Variants in PLA2R1 observed in about 807,000 individuals in gnomAD.
The protein encoded by PLA2R1 is secretory phospholipase A2 receptor.
In PLA2R1, 158 loss-of-function variants were observed where a neutral mutation model predicts 195.9. That is an observed-to-expected ratio of 0.81 (90% CI 0.71 to 0.92). The LOEUF is 0.92. PLA2R1 is among the 40% of genes least tolerant of loss of function. The pLI, the probability that PLA2R1 is intolerant of heterozygous loss-of-function variation, is 0.00. For missense variants in PLA2R1, 1,626 were observed against 1,764.6 expected, an observed-to-expected ratio of 0.92 and a Z score of 1.41; for synonymous variants, 586 against 598.2, an observed-to-expected ratio of 0.98 and a Z score of 0.30.
chr2:160,007,316 G>A (rs1692057951), intron 10 of PLA2R1, among the ~76,000 whole-genome samples: 1 of 152,178 alleles, frequency 6.6e-6, no homozygotes, highest in Non-Finnish European at 1.5e-5. Flanking sequence ...GAGAAGGGCG[G>A]GGTCCCTGGT....
At chr2:159,968,333 T>C (rs2105230853) in intron 19 of PLA2R1, among the ~76,000 whole-genome samples, 1 of 152,108 alleles carries the variant, frequency 6.6e-6, no homozygotes, top group East Asian at 1.9e-4. Flanking sequence ...CAGGGCAGAA[T>C]GCATGCCAAT....
chr2:159,987,293 A>T lies in PLA2R1; in HGVS notation c.1900T>A (p.Cys634Ser). The T allele has an allele frequency of 6.2e-7, 1 of 1,612,872 alleles. No homozygotes were observed. The highest frequency in any genetic ancestry group is 8.5e-7 in the Non-Finnish European group (1 of 1,179,908). ...HPLGRWEVKH[C>S]RHFKAMSLCK... ...AAGGACATTGCCTTAAAGTGCCGACAGTGCTTCACTTCCCAGCGACCAAGT... is the reference window on the plus strand; with the variant it reads ...AAGGACATTGCCTTAAAGTGCCGACTGTGCTTCACTTCCCAGCGACCAAGT... The change falls in exon 12 of 30, where the codon TGT (cysteine) becomes AGT (serine). Residue 634 changes from cysteine to serine, a missense_variant. Coordinates refer to ENST00000283243, the MANE Select transcript of PLA2R1 (RefSeq NM_007366.5).
chr2:160,019,390 C>T (rs1285901051), intron 8 of PLA2R1, among the ~76,000 whole-genome samples: 2 of 152,122 alleles, frequency 1.3e-5, no homozygotes, highest in African/African-American at 2.4e-5. Context: ...AGCCAAAAGC[C>T]GACCTCTCTC....
At chr2:159,961,627 C>T (rs1487038445) in intron 20 of PLA2R1, among the ~76,000 whole-genome samples, 2 of 152,272 alleles carry the variant, frequency 1.3e-5, no homozygotes, top group East Asian at 3.9e-4. Flanking sequence ...GCCTCCCCTC[C>T]CCGCCATTCT....
intron 11 of PLA2R1, among the ~76,000 whole-genome samples, chr2:160,004,069 T>G (rs1344190458): frequency 1.3e-5 from 2 of 152,200 alleles, no homozygotes; most frequent in Non-Finnish European, 2.9e-5. Context: ...TACCAAACAG[T>G]TAACAGTGGT....
In PLA2R1 at chr2:159,934,996, T is replaced by G. The variant is rs955118887; in HGVS notation, c.*6782A>C. The G allele has an allele frequency of 3.9e-5, 6 of 152,220 alleles. No individual in the cohort carries two copies. Among genetic ancestry groups the G allele is most frequent in the Non-Finnish European group, 8.8e-5 (6 of 68,030 alleles). The allele number at this position is 152,220 out of a possible 1,614,324, so 9.4% of individuals were successfully genotyped here. A position where few individuals can be genotyped will look rare whatever the true frequency, so the allele number is the denominator to read the frequency against. On this transcript the variant is annotated 3_prime_UTR_variant, in exon 30 of 30. Transcript: ENST00000283243. Reference sequence around the variant, plus strand: ...TTCCTCAATCTTTCCTTATCTTTCATGACCAGGACACTTTTGAAGTGATCA... The same window carrying G: ...TTCCTCAATCTTTCCTTATCTTTCAGGACCAGGACACTTTTGAAGTGATCA...
intron 27 of PLA2R1, 172 bp downstream of exon 27, chr2:159,946,629 G>A: frequency 7.4e-7 from 1 of 1,342,546 alleles, no homozygotes; most frequent in African/African-American, 1.5e-5. Flanking sequence ...AAAGACAAAA[G>A]GGTAAAGAAA....
chr2:160,033,423 C>T (rs1328493215), intron 3 of PLA2R1, among the ~76,000 whole-genome samples: 4 of 152,016 alleles, frequency 2.6e-5, no homozygotes, highest in African/African-American at 4.8e-5. Context: ...GAAGTAGAAG[C>T]GAAGTATTTG....
At chr2:160,041,605 G>T (rs915641067) in intron 3 of PLA2R1, among the ~76,000 whole-genome samples, 1 of 150,198 alleles carries the variant, frequency 6.7e-6, no homozygotes, top group Non-Finnish European at 1.5e-5. Flanking sequence ...CTTGACAATG[G>T]GCGAGACAAG....
intron 7 of PLA2R1, among the ~76,000 whole-genome samples, chr2:160,022,392 A>G (rs3792186): frequency 0.71 from 107,352 of 151,744 alleles, 38,713 homozygotes; most frequent in East Asian, 0.87. Context: ...TAGGTTTTTC[A>G]TTAGAAGTTT....
intron 11 of PLA2R1, among the ~76,000 whole-genome samples, chr2:159,998,769 T>A (rs962745082): frequency 1.2e-4 from 18 of 152,274 alleles, no homozygotes; most frequent in Admixed American, 9.8e-4. Context: ...TTTACTTCTT[T>A]AACCACTAAA....
chr2:159,968,658 G>T (rs892302636), intron 19 of PLA2R1, among the ~76,000 whole-genome samples: 3 of 152,162 alleles, frequency 2.0e-5, no homozygotes, highest in Non-Finnish European at 4.4e-5. Context: ...TCTTTTATTG[G>T]TTAGAAAGAA....
chr2:160,017,574 G>A (rs1692849598), intron 8 of PLA2R1, among the ~76,000 whole-genome samples: 1 of 152,068 alleles, frequency 6.6e-6, no homozygotes. Context: ...TCAGGAATTC[G>A]AACAGCACCA....
chr2:159,926,368 A>G, the PLA2R1 span, among the ~76,000 whole-genome samples: 18 of 150,966 alleles, frequency 1.2e-4, no homozygotes, highest in African/African-American at 4.1e-4. Context: ...GTGTTCAGTC[A>G]TGAAAGTATA....
At chr2:159,945,170 G>T (rs1469424399) in intron 27 of PLA2R1, 88 bp from the exon 28 acceptor site, 1 of 749,248 alleles carries the variant, frequency 1.3e-6, no homozygotes, top group Non-Finnish European at 1.9e-6. Context: ...AGCAGCCCCT[G>T]AATTTTTTTA....
At position 159,977,395 on chromosome 2, in the gene PLA2R1, T is replaced by C. The variant is rs559216314; in HGVS notation, c.2290A>G (p.Asn764Asp). Residue 764 changes from asparagine (N) to aspartate (D), a missense_variant, in exon 15 of 30, where the codon AAC (asparagine) becomes GAC (aspartate). Transcript: ENST00000283243. ...RTPVVSSFLDNTYFGEDARNC... is the reference protein window; with the variant it reads ...RTPVVSSFLDDTYFGEDARNC... Reference sequence around the variant, plus strand: ...CTTGCATCTTCTCCAAAATAAGTGTTGTCTAAAAACGAAGAGACAACCTGC... The same window carrying C: ...CTTGCATCTTCTCCAAAATAAGTGTCGTCTAAAAACGAAGAGACAACCTGC... 1.9e-4 allele frequency: 300 copies of C among 1,613,248 alleles called. 5 individuals carry two copies. In the South Asian group the frequency reaches 3.0e-3, roughly 16 times the overall value.
In PLA2R1 at chr2:159,946,849, C is replaced by A; in HGVS notation, c.3919G>T (p.Gly1307Cys). 1 of 1,611,320 alleles carries A rather than the reference C, an allele frequency of 6.2e-7. No individual in the cohort carries two copies. Among genetic ancestry groups the A allele is most frequent in the Non-Finnish European group, 8.5e-7 (1 of 1,178,864 alleles). ...AACCAAACCATCTGGACAGAAGAAC[C>A]AAAAGCAAACAGCTCTTCTAGGAGA... ...AFLLEELFAF[G>C]SSVQMVWLNA... The change falls in exon 27 of 30, where the codon GGT (glycine) becomes TGT (cysteine). Residue 1307 changes from glycine (G) to cysteine (C), a missense_variant. Gly to Cys is a radical substitution (Grantham distance 159). Transcript: ENST00000283243.
rs2105615745 is a variant in PLA2R1, at chr2:160,044,967, T to C, written c.300A>G (p.Pro100=). ...LGLNFSAPEQ[P]LSLYECDSTL... is the part of the protein sequence containing the mutation. Reference sequence around the variant, plus strand: ...TGGAGTCACATTCATATAAGCTTAATGGCTGCTCTGGGGCGGAGAAATTCA... The same window carrying C: ...TGGAGTCACATTCATATAAGCTTAACGGCTGCTCTGGGGCGGAGAAATTCA... Residue 100 remains proline, a synonymous_variant, in exon 2 of 30, where the codon CCA becomes CCG. Coordinates refer to ENST00000283243, the MANE Select transcript of PLA2R1 (RefSeq NM_007366.5). 1.2e-6 allele frequency: 2 copies of C among 1,614,138 alleles called. No individual in the cohort carries two copies. Among genetic ancestry groups the C allele is most frequent in the Non-Finnish European group, 1.7e-6 (2 of 1,179,952 alleles).
chr2:159,951,632 G>A, intron 23 of PLA2R1, 54 bp from the exon 24 acceptor site: 1 of 892,014 alleles, frequency 1.1e-6, no homozygotes, highest in Non-Finnish European at 1.9e-6. Context: ...GACAAAGGAA[G>A]AGGCAAAGCT....
Sources: gnomAD v4.1 joint callset for allele counts (sites outside exome capture counted in the v4.1 genomes callset) on GRCh38, gnomAD v4.1.1 for gene constraint, MANE v1.5 for transcripts, NCBI Gene and HGNC (gene_info 2026-07-23, HGNC 2026-07-21) for gene names.